FTO: variants seen among roughly 807,000 people sequenced by gnomAD.
FTO encodes alpha-ketoglutarate-dependent dioxygenase FTO.
A neutral mutation model predicts 63.9 loss-of-function variants in FTO; 47 were observed. That is an observed-to-expected ratio of 0.74 (90% CI 0.58 to 0.94). The LOEUF is 0.94. FTO is among the 40% of genes least tolerant of loss of function. The probability of loss-of-function intolerance (pLI) is 0.00; values close to 1 mark genes in which losing one functional copy is unlikely to be tolerated. For synonymous variants in FTO, 207 were observed against 224.4 expected (o/e 0.92, Z 0.69); for missense variants, 562 against 618.1 (o/e 0.91, Z 0.96).
chr16:53,938,112 C>CA (rs1226203905), intron 8 of FTO, among the ~76,000 whole-genome samples: 3 of 151,948 alleles, frequency 2.0e-5, no homozygotes, highest in Non-Finnish European at 4.4e-5. Flanking sequence ...AATGCTTTTC[C>CA]AAAAAAAGTG....
chr16:53,936,909 C>T (rs1210668988), intron 8 of FTO, among the ~76,000 whole-genome samples: 4 of 152,190 alleles, frequency 2.6e-5, no homozygotes. Flanking sequence ...TTTTACCTCT[C>T]TTTAGCAGGT....
At chr16:54,069,273 A>G (rs1456896064) in intron 8 of FTO, among the ~76,000 whole-genome samples, 1 of 152,078 alleles carries the variant, frequency 6.6e-6, no homozygotes, top group Non-Finnish European at 1.5e-5. Context: ...GGCCGTCTGC[A>G]CCACCTGGGC....
chr16:53,839,798 TATTTATTTATTTATTTATTTA>T (rs1567346945), intron 3 of FTO, among the ~76,000 whole-genome samples: 14 of 104,494 alleles, frequency 1.3e-4, no homozygotes, highest in African/African-American at 5.4e-4. Context: ...TTTATTTATT[TATTTATTTATTTATTTATTTA>T]TTTTAAGGTG....
At chr16:53,835,964 C>T (rs1024490649) in intron 3 of FTO, among the ~76,000 whole-genome samples, 6 of 146,298 alleles carry the variant, frequency 4.1e-5, no homozygotes, top group African/African-American at 1.3e-4. Context: ...AATCTCAGTT[C>T]ACTGCAACCT....
chr16:53,719,284 T>A (rs915965991), intron 1 of FTO, among the ~76,000 whole-genome samples: 1 of 146,762 alleles, frequency 6.8e-6, no homozygotes, highest in African/African-American at 2.5e-5. Context: ...TTGAGCAGAG[T>A]CTTGCTGTGT....
intron 8 of FTO, among the ~76,000 whole-genome samples, chr16:53,987,770 GC>G (rs1274349825): frequency 3.3e-5 from 5 of 152,020 alleles, no homozygotes; most frequent in Non-Finnish European, 7.4e-5. Context: ...CTTTGGTAAA[GC>G]CATTTTACTC....
chr16:53,796,733 A>G (rs2078083585), intron 1 of FTO, among the ~76,000 whole-genome samples: 1 of 152,248 alleles, frequency 6.6e-6, no homozygotes, highest in Non-Finnish European at 1.5e-5. Flanking sequence ...GCCCAGTTTT[A>G]TAGGCACGTT....
chr16:53,914,524 G>A lies in FTO; in HGVS notation c.1240-19461G>A, dbSNP rs549793127. Among the ~76,000 whole-genome samples, 5 of 152,174 alleles carry A rather than the reference G, an allele frequency of 3.3e-5. No individual in the cohort carries two copies. The South Asian group carries it at 1.0e-3, about 32-fold the overall frequency. On this transcript the variant is annotated intron_variant, in intron 7 of 8. Coordinates refer to ENST00000471389, the MANE Select transcript of FTO (RefSeq NM_001080432.3). ...CCTGCCTCCTGTCAAGTCCCTATAAGATCTGGTCTGTGGCAACTTCTCAGG... is the reference window on the plus strand; with the variant it reads ...CCTGCCTCCTGTCAAGTCCCTATAAAATCTGGTCTGTGGCAACTTCTCAGG...
At chr16:53,989,833 CCCT>C (rs139259532) in intron 8 of FTO, among the ~76,000 whole-genome samples, 178 of 151,064 alleles carry the variant, frequency 1.2e-3, no homozygotes, top group South Asian at 3.8e-3. Context: ...CCCCTCCACT[CCCT>C]CCTCCTCCTC....
intron 3 of FTO, among the ~76,000 whole-genome samples, chr16:53,838,475 T>A (rs1232166972): frequency 1.3e-5 from 2 of 151,888 alleles, no homozygotes; most frequent in Admixed American, 6.6e-5. Flanking sequence ...CACACCCGGC[T>A]AATTTTTGTA....
chr16:53,859,967 T>C (rs1300778716), intron 4 of FTO, among the ~76,000 whole-genome samples: 1 of 152,174 alleles, frequency 6.6e-6, no homozygotes, highest in East Asian at 1.9e-4. Flanking sequence ...AATCAGTATC[T>C]CAAAGAGATA....
At chr16:53,789,711 T>C (rs2077844415) in intron 1 of FTO, among the ~76,000 whole-genome samples, 1 of 151,612 alleles carries the variant, frequency 6.6e-6, no homozygotes, top group Non-Finnish European at 1.5e-5. Context: ...TCTGTTTTTG[T>C]TTTTGACTTT....
intron 8 of FTO, chr16:53,984,854 G>C (rs1367057163): frequency 4.5e-6 from 2 of 444,398 alleles, no homozygotes; most frequent in Non-Finnish European, 8.9e-6. Flanking sequence ...GGTGTCTTTT[G>C]GATTGTTTAG....
At position 53,810,203 on chromosome 16, in the gene FTO, G is replaced by T. The variant is rs756946176; in HGVS notation, c.109G>T (p.Glu37Ter). 6.2e-7 allele frequency: 1 copy of T among 1,603,542 alleles called. No individual in the cohort carries two copies. Among genetic ancestry groups the T allele is most frequent in the Non-Finnish European group, 8.5e-7 (1 of 1,170,916 alleles). ...CCCTTATCTGACCCCCAAAGATGAT[G>T]AATTCTATCAGCAGGTAAGGTATTT... ...WLPYLTPKDD[E>*]FYQQWQLKYP... The change falls in exon 2 of 9, where the codon GAA (glutamate) becomes TAA (stop). Residue 37 changes from glutamate to a stop codon, truncating the protein, a stop_gained. Transcript: ENST00000471389. LOFTEE classifies it high-confidence loss of function.
chr16:53,822,740 G>C (rs1027686210), intron 2 of FTO, among the ~76,000 whole-genome samples: 2 of 152,052 alleles, frequency 1.3e-5, no homozygotes, highest in Non-Finnish European at 2.9e-5. Context: ...TAATGCTTGA[G>C]TTCTTTCATT....
intron 2 of FTO, among the ~76,000 whole-genome samples, chr16:53,814,097 G>T (rs1456617235): frequency 6.6e-6 from 1 of 152,100 alleles, no homozygotes; most frequent in Non-Finnish European, 1.5e-5. Flanking sequence ...CTGCTGTATT[G>T]TCCACCTCTT....
At chr16:53,879,820 T>C in intron 5 of FTO, 24 bp from the exon 6 acceptor site, 1 of 1,612,780 alleles carries the variant, frequency 6.2e-7, no homozygotes, top group African/African-American at 1.3e-5. Flanking sequence ...CCCATAATTG[T>C]GATTGCTGGT....
At chr16:54,031,467 T>C (rs1226836077) in intron 8 of FTO, among the ~76,000 whole-genome samples, 1 of 152,034 alleles carries the variant, frequency 6.6e-6, no homozygotes, top group East Asian at 1.9e-4. Flanking sequence ...ATACTGCTGA[T>C]TGGGTGGAGA....
chr16:54,005,370 A>C (rs1306744824), intron 8 of FTO, among the ~76,000 whole-genome samples: 1 of 147,798 alleles, frequency 6.8e-6, no homozygotes, highest in African/African-American at 2.4e-5. Context: ...AAATAAATAT[A>C]TAATACATAT....
Sources: allele counts gnomAD v4.1 joint callset (sites outside exome capture counted in the v4.1 genomes callset), GRCh38; gene constraint gnomAD v4.1.1; transcripts MANE v1.5; gene names NCBI Gene and HGNC (gene_info 2026-07-23, HGNC 2026-07-21).